The following COL25A1 variants were observed in gnomAD, a reference collection of about 807,000 sequenced individuals.
The protein encoded by COL25A1 is collagen type XXV alpha 1 chain.
Under a neutral mutation model 128.4 loss-of-function variants are expected in COL25A1, and 103 were observed. The ratio of observed to expected loss-of-function variants is 0.80; its 90% CI spans 0.68 to 0.94. The LOEUF (loss-of-function observed/expected upper bound fraction) is 0.94. COL25A1 is among the 40% of genes least tolerant of loss of function. The pLI is 0.00. For missense variants in COL25A1, 745 were observed against 840.0 expected (o/e 0.89, Z 1.40); for synonymous variants, 279 against 277.2 (o/e 1.01, Z -0.06).
intron 10 of COL25A1, among the ~76,000 whole-genome samples, chr4:108,940,052 A>G (rs866779449): frequency 1.3e-5 from 2 of 152,226 alleles, no homozygotes; most frequent in South Asian, 4.1e-4. Context: ...AAATATTAGA[A>G]TATTTTACTT....
chr4:109,187,631 T>C (rs941545157), intron 3 of COL25A1, among the ~76,000 whole-genome samples: 4 of 152,224 alleles, frequency 2.6e-5, no homozygotes, highest in South Asian at 4.1e-4. Context: ...ATGAAGCTAA[T>C]AGACAGTTTT....
chr4:109,148,693 T>G (rs1270643070), intron 3 of COL25A1, among the ~76,000 whole-genome samples: 1 of 152,230 alleles, frequency 6.6e-6, no homozygotes, highest in Non-Finnish European at 1.5e-5. Context: ...GTCACTCTCT[T>G]GCTTTTCATG....
chr4:109,040,688 G>T (rs1234855221), intron 5 of COL25A1, among the ~76,000 whole-genome samples: 2 of 152,142 alleles, frequency 1.3e-5, no homozygotes, highest in African/African-American at 2.4e-5. Context: ...TCATAAGAAA[G>T]CAAAACAGGA....
intron 5 of COL25A1, among the ~76,000 whole-genome samples, chr4:109,040,950 T>C (rs1227962736): frequency 6.6e-6 from 1 of 152,142 alleles, no homozygotes; most frequent in Admixed American, 6.5e-5. Flanking sequence ...ACTTTTAAAA[T>C]GTTATCCTGT....
intron 3 of COL25A1, among the ~76,000 whole-genome samples, chr4:109,106,672 T>C (rs1766462941): frequency 6.7e-6 from 1 of 148,814 alleles, no homozygotes; most frequent in Admixed American, 7.0e-5. Flanking sequence ...AAAAATAGGA[T>C]GAAAAGTTCT....
chr4:109,216,979 T>C (rs1778043638), intron 3 of COL25A1, among the ~76,000 whole-genome samples: 1 of 152,142 alleles, frequency 6.6e-6, no homozygotes, highest in Non-Finnish European at 1.5e-5. Flanking sequence ...ATAGGAATTT[T>C]AAAAAGGAAA....
chr4:108,993,471 GT>G (rs1038606222), intron 6 of COL25A1, among the ~76,000 whole-genome samples: 1 of 152,102 alleles, frequency 6.6e-6, no homozygotes. Flanking sequence ...AAAGCTAATA[GT>G]TTTCTCTTTC....
At chr4:108,839,938 G>A (rs1375059083) in intron 31 of COL25A1, among the ~76,000 whole-genome samples, 1 of 151,902 alleles carries the variant, frequency 6.6e-6, no homozygotes, top group Non-Finnish European at 1.5e-5. Flanking sequence ...GTTTTTGGTG[G>A]CATCTTAAAA....
chr4:109,185,213 C>T (rs749536573), intron 3 of COL25A1, among the ~76,000 whole-genome samples: 1 of 152,134 alleles, frequency 6.6e-6, no homozygotes, highest in South Asian at 2.1e-4. Flanking sequence ...TAAGGAAATA[C>T]TTGTTTATGA....
chr4:109,165,980 T>A (rs1773038501), intron 3 of COL25A1, among the ~76,000 whole-genome samples: 1 of 152,188 alleles, frequency 6.6e-6, no homozygotes, highest in Non-Finnish European at 1.5e-5. Flanking sequence ...TTTTTTAAGC[T>A]CTTGCTTTAA....
intron 3 of COL25A1, among the ~76,000 whole-genome samples, chr4:109,059,647 G>A (rs921944285): frequency 2.0e-5 from 3 of 152,114 alleles, no homozygotes; most frequent in Admixed American, 2.0e-4. Flanking sequence ...AACACTCATG[G>A]CTCGTCTAAG....
At chr4:108,838,841 C>T (rs750584392) in intron 31 of COL25A1, among the ~76,000 whole-genome samples, 15 of 152,012 alleles carry the variant, frequency 9.9e-5, no homozygotes, top group Non-Finnish European at 1.8e-4. Context: ...TTTAACTCAG[C>T]GTGACATTAT....
At chr4:109,182,069 T>C (rs978351854) in intron 3 of COL25A1, among the ~76,000 whole-genome samples, 2 of 152,136 alleles carry the variant, frequency 1.3e-5, no homozygotes, top group African/African-American at 2.4e-5. Context: ...ATTGTGTATA[T>C]AGGCCACATT....
chr4:109,160,308 G>C (rs1240819242), intron 3 of COL25A1, among the ~76,000 whole-genome samples: 1 of 152,104 alleles, frequency 6.6e-6, no homozygotes, highest in Non-Finnish European at 1.5e-5. Flanking sequence ...TAAAGTTGAA[G>C]AAAAGAACAT....
chr4:109,146,767 C>A (rs1770982247), intron 3 of COL25A1, among the ~76,000 whole-genome samples: 1 of 152,210 alleles, frequency 6.6e-6, no homozygotes, highest in Non-Finnish European at 1.5e-5. Context: ...TCCACTCTTG[C>A]AGAATATGAA....
chr4:109,080,173 A>C (rs968671995), intron 3 of COL25A1, among the ~76,000 whole-genome samples: 2 of 152,116 alleles, frequency 1.3e-5, no homozygotes, highest in Non-Finnish European at 2.9e-5. Context: ...TCCTTACCTC[A>C]ATTTATATGA....
intron 3 of COL25A1, among the ~76,000 whole-genome samples, chr4:109,053,034 G>C (rs115046616): frequency 2.4e-4 from 36 of 152,090 alleles, no homozygotes; most frequent in African/African-American, 8.4e-4. Flanking sequence ...AAAAGAAACT[G>C]GTTCAAGAAA....
At chr4:108,871,779 T>C (rs1392446926) in intron 19 of COL25A1, among the ~76,000 whole-genome samples, 1 of 152,246 alleles carries the variant, frequency 6.6e-6, no homozygotes. Flanking sequence ...TTCGTCTATT[T>C]ACTTCCAGAG....
chr4:108,839,308 T>C (rs1463000242), intron 31 of COL25A1, among the ~76,000 whole-genome samples: 1 of 152,214 alleles, frequency 6.6e-6, no homozygotes, highest in Non-Finnish European at 1.5e-5. Context: ...AATCATGCTA[T>C]ATATTTGAAC....
Sources: allele counts gnomAD v4.1 joint callset (sites outside exome capture counted in the v4.1 genomes callset), GRCh38; gene constraint gnomAD v4.1.1; transcripts MANE v1.5; gene names NCBI Gene and HGNC (gene_info 2026-07-23, HGNC 2026-07-21).